The following DAB1 variants were observed in gnomAD, a reference collection of about 807,000 sequenced individuals.
DAB1 encodes DAB adaptor protein 1, also known as disabled homolog 1.
DAB1 carries 15 observed loss-of-function variants against 64.6 expected under a neutral mutation model. That is an observed-to-expected ratio of 0.23 (90% confidence interval 0.16 to 0.36). The LOEUF is 0.36. Ranked by LOEUF, DAB1 falls within the 10% of genes least tolerant of loss-of-function variation. The probability of loss-of-function intolerance (pLI) is 1.00; values close to 1 mark genes in which losing one functional copy is unlikely to be tolerated. For missense variants in DAB1, 596 were observed against 706.7 expected, an observed-to-expected ratio of 0.84 and a Z score of 1.78; for synonymous variants, 235 against 251.9, an observed-to-expected ratio of 0.93 and a Z score of 0.64.
chr1:57,901,020 ATATGT>A (rs751222251), intron 5 of DAB1, among the ~76,000 whole-genome samples: 26,318 of 152,122 alleles, frequency 0.17, 2,688 homozygotes, highest in Admixed American at 0.27. Context: ...GTACTTTTAC[ATATGT>A]TAACTATGTC....
intron 1 of DAB1, among the ~76,000 whole-genome samples, chr1:57,859,116 G>A (rs1020467718): frequency 6.6e-6 from 1 of 151,790 alleles, no homozygotes; most frequent in African/African-American, 2.4e-5. Context: ...CAGCCGAGAT[G>A]GCTTTTCTGG....
intron 2 of DAB1, among the ~76,000 whole-genome samples, chr1:57,220,174 T>C (rs547855864): frequency 6.6e-6 from 1 of 152,332 alleles, no homozygotes; most frequent in South Asian, 2.1e-4. Context: ...TGTGACATGG[T>C]AGGCTTTGCA....
chr1:57,653,418 A>T (rs1646279210), intron 6 of DAB1, among the ~76,000 whole-genome samples: 1 of 152,166 alleles, frequency 6.6e-6, no homozygotes, highest in Non-Finnish European at 1.5e-5. Context: ...AATTTTTTTA[A>T]CATGTAGATA....
rs952048886 is a variant in DAB1 at position 57,184,779 on chromosome 1, T to G, written c.68-39350A>C. On this transcript the variant is annotated intron_variant, in intron 2 of 14. Transcript: ENST00000371236. ...CACACACACAGAGATACACACTCAC[T>G]CCTGTGCCCATAAAAGTCCCATAGA... Among the ~76,000 whole-genome samples the G allele has an allele frequency of 2.0e-5, 3 of 152,012 alleles. No individual in the cohort carries two copies. The East Asian group carries it at 5.8e-4, about 29-fold the overall frequency.
intron 5 of DAB1, among the ~76,000 whole-genome samples, chr1:58,138,089 A>G (rs1654049185): frequency 6.6e-6 from 1 of 152,206 alleles, no homozygotes; most frequent in Non-Finnish European, 1.5e-5. Flanking sequence ...ATTTTACCTG[A>G]TTATATTTAT....
intron 7 of DAB1, among the ~76,000 whole-genome samples, chr1:57,573,683 T>C (rs955781809): frequency 6.6e-6 from 1 of 152,204 alleles, no homozygotes; most frequent in African/African-American, 2.4e-5. Flanking sequence ...AACCATTCCC[T>C]GGGCTACTGA....
chr1:57,535,662 A>G (rs577374612), intron 7 of DAB1, among the ~76,000 whole-genome samples: 105 of 151,810 alleles, frequency 6.9e-4, no homozygotes, highest in African/African-American at 2.4e-3. Flanking sequence ...GAGTTTCACT[A>G]TGTTGGCCAG....
chr1:58,128,112 G>C (rs1487927987), intron 5 of DAB1, among the ~76,000 whole-genome samples: 4 of 151,988 alleles, frequency 2.6e-5, no homozygotes, highest in South Asian at 2.1e-4. Flanking sequence ...TCTTCCATTT[G>C]TTTGTATCCT....
At chr1:58,502,981 C>G (rs1569904460) in intron 3 of DAB1, among the ~76,000 whole-genome samples, 1 of 152,138 alleles carries the variant, frequency 6.6e-6, no homozygotes, top group Non-Finnish European at 1.5e-5. Flanking sequence ...ATTTGTTTCT[C>G]TAGCCATTTT....
At chr1:58,438,999 C>T (rs1168210532) in intron 3 of DAB1, among the ~76,000 whole-genome samples, 28 of 151,840 alleles carry the variant, frequency 1.8e-4, no homozygotes, top group South Asian at 4.2e-4. Context: ...GGTGGGACTG[C>T]GAGGGGGTGG....
chr1:58,107,588 T>C (rs1245566791), intron 5 of DAB1, among the ~76,000 whole-genome samples: 1 of 151,864 alleles, frequency 6.6e-6, no homozygotes, highest in East Asian at 1.9e-4. Context: ...AAAGGGAAGC[T>C]AGCATGTTTT....
intron 4 of DAB1, among the ~76,000 whole-genome samples, chr1:58,189,604 T>C (rs1657275741): frequency 6.6e-6 from 1 of 152,170 alleles, no homozygotes; most frequent in Admixed American, 6.6e-5. Context: ...TGCCCACTGG[T>C]TGCAGGTCCC....
At position 57,145,421 on chromosome 1, in the gene DAB1, G is replaced by A. The variant is rs773986907; in HGVS notation, c.76C>T (p.Arg26Cys). 3.1e-6 allele frequency: 5 copies of A among 1,613,862 alleles called. No homozygotes were observed. Among genetic ancestry groups the A allele is most frequent in the South Asian group, 2.2e-5 (2 of 91,062 alleles). ...CTCTTTATCAAAGTGGCTTCACTGC[G>A]ATCCTGACCTAAAAAGAGAAAAAGC... ...KKDSRKKGQD[R>C]SEATLIKRFK... The change falls in exon 3 of 15, where the codon CGC (arginine) becomes TGC (cysteine). Residue 26 changes from arginine to cysteine, a missense_variant. By Grantham distance (180) the Arg-to-Cys change is radical (BLOSUM62 -3). Transcript: ENST00000371236.
At chr1:58,117,172 G>A (rs1408719290) in intron 5 of DAB1, among the ~76,000 whole-genome samples, 1 of 152,160 alleles carries the variant, frequency 6.6e-6, no homozygotes, top group African/African-American at 2.4e-5. Context: ...ATGCACACCG[G>A]ATATTTCTAT....
At chr1:58,476,848 T>A (rs1461170205) in intron 3 of DAB1, among the ~76,000 whole-genome samples, 2 of 152,178 alleles carry the variant, frequency 1.3e-5, no homozygotes, top group Non-Finnish European at 2.9e-5. Flanking sequence ...ACTTCCTATA[T>A]GAGATTTGTT....
chr1:58,317,006 C>G (rs1233601810), intron 4 of DAB1, among the ~76,000 whole-genome samples: 1 of 152,216 alleles, frequency 6.6e-6, no homozygotes, highest in Admixed American at 6.5e-5. Flanking sequence ...CATAACCAAT[C>G]AGTTCATTCA....
At chr1:57,963,379 A>G (rs1645573101) in intron 5 of DAB1, among the ~76,000 whole-genome samples, 1 of 152,186 alleles carries the variant, frequency 6.6e-6, no homozygotes, top group Admixed American at 6.5e-5. Flanking sequence ...TGGGTTAGGT[A>G]TCTTATCTGT....
intron 3 of DAB1, among the ~76,000 whole-genome samples, chr1:58,471,946 G>T (rs934839889): frequency 6.6e-6 from 1 of 152,168 alleles, no homozygotes; most frequent in Non-Finnish European, 1.5e-5. Flanking sequence ...TTCAAGAACA[G>T]ACTAATACAG....
intron 4 of DAB1, among the ~76,000 whole-genome samples, chr1:58,330,311 G>A (rs116799224): frequency 6.1e-4 from 93 of 152,316 alleles, no homozygotes; most frequent in African/African-American, 2.1e-3. Flanking sequence ...AAGAAGTAAC[G>A]AAGCTGCAGA....
Sources: allele counts gnomAD v4.1 joint callset (sites outside exome capture counted in the v4.1 genomes callset), GRCh38; gene constraint gnomAD v4.1.1; transcripts MANE v1.5; gene names NCBI Gene and HGNC (gene_info 2026-07-23, HGNC 2026-07-21).